The following ASTN2 variants were observed in gnomAD, a reference collection of about 807,000 sequenced individuals.
ASTN2 encodes the protein astrotactin 2.
A neutral mutation model predicts 139.8 loss-of-function variants in ASTN2; 54 were observed. The ratio of observed to expected loss-of-function variants is 0.39; its 90% CI spans 0.31 to 0.48. The LOEUF (loss-of-function observed/expected upper bound fraction) is 0.48. ASTN2 is among the 20% of genes least tolerant of loss of function. The pLI is 0.95. For synonymous variants in ASTN2, 756 were observed against 719.5 expected (o/e 1.05, Z -0.81); for missense variants, 1,565 against 1,725.1 (o/e 0.91, Z 1.64).
At chr9:116,549,482 C>T (rs185789837) in intron 19 of ASTN2, among the ~76,000 whole-genome samples, 345 of 152,286 alleles carry the variant, frequency 2.3e-3, no homozygotes, top group African/African-American at 7.9e-3. Context: ...GGGCCCCAGG[C>T]CCAGGGCTGG....
intron 1 of ASTN2, among the ~76,000 whole-genome samples, chr9:117,319,296 T>C (rs1170118467): frequency 6.6e-6 from 1 of 152,206 alleles, no homozygotes; most frequent in Middle Eastern, 3.2e-3. Flanking sequence ...ACACTTAGCA[T>C]AGTAGAAATA....
chr9:116,838,607 T>C (rs930767439), intron 11 of ASTN2, among the ~76,000 whole-genome samples: 38 of 144,812 alleles, frequency 2.6e-4, no homozygotes, highest in African/African-American at 8.3e-4. Flanking sequence ...TTTTTTTTTT[T>C]CAGTAGAGAT....
chr9:117,031,815 G>A (rs1838255261), intron 6 of ASTN2, among the ~76,000 whole-genome samples: 1 of 152,116 alleles, frequency 6.6e-6, no homozygotes, highest in African/African-American at 2.4e-5. Context: ...GACTGGAAAG[G>A]CGGGCAGGGG....
At chr9:116,751,935 T>C (rs980657367) in intron 13 of ASTN2, among the ~76,000 whole-genome samples, 1 of 152,210 alleles carries the variant, frequency 6.6e-6, no homozygotes, top group African/African-American at 2.4e-5. Flanking sequence ...ACTTGATCTA[T>C]AGATTCAGTG....
intron 1 of ASTN2, among the ~76,000 whole-genome samples, chr9:117,398,939 A>G (rs1830750370): frequency 1.3e-5 from 2 of 152,082 alleles, no homozygotes. Context: ...GCGCTGCCAC[A>G]TCCAGCTAAT....
At chr9:116,428,524 C>CAA (rs56925314) in intron 22 of ASTN2, among the ~76,000 whole-genome samples, 24 of 133,562 alleles carry the variant, frequency 1.8e-4, no homozygotes, top group South Asian at 2.4e-4. Context: ...AACTCCACCT[C>CAA]AAAAAAAAAA....
intron 20 of ASTN2, among the ~76,000 whole-genome samples, chr9:116,451,803 G>T (rs1013799997): frequency 2.1e-5 from 3 of 145,914 alleles, no homozygotes; most frequent in Admixed American, 7.0e-5. Context: ...TAAGACAGTG[G>T]ATTTAAATAT....
At chr9:117,225,483 G>A (rs1832674415) in intron 2 of ASTN2, among the ~76,000 whole-genome samples, 1 of 145,468 alleles carries the variant, frequency 6.9e-6, no homozygotes, top group East Asian at 2.2e-4. Context: ...GGGAGGCCGA[G>A]GCGGGTGGGT....
intron 4 of ASTN2, among the ~76,000 whole-genome samples, chr9:117,096,437 C>T (rs1236723860): frequency 6.6e-6 from 1 of 152,150 alleles, no homozygotes; most frequent in Non-Finnish European, 1.5e-5. Context: ...AATTATTCAC[C>T]TTGTGAGATT....
intron 1 of ASTN2, among the ~76,000 whole-genome samples, chr9:117,345,238 A>G (rs766134830): frequency 1.3e-5 from 2 of 152,148 alleles, no homozygotes; most frequent in Non-Finnish European, 2.9e-5. Flanking sequence ...TGAATGTTCA[A>G]CCAGTATATA....
intron 15 of ASTN2, among the ~76,000 whole-genome samples, chr9:116,728,606 GA>G (rs1477465556): frequency 1.3e-5 from 2 of 152,120 alleles, no homozygotes; most frequent in Non-Finnish European, 2.9e-5. Flanking sequence ...GAGAGAAAGA[GA>G]AATTGGTGTC....
Position 116,895,664 on chromosome 9 carries a change from T to C in ASTN2, c.1890-31931A>G, listed in dbSNP as rs563913792. The stretch of plus-strand genomic sequence containing the variant: ...ATTCAACAGGACAGCAAATGAAGAC[T>C]GTATTGATTTTCTGCTTAGATCAAT... On this transcript the variant is annotated intron_variant, in intron 10 of 22. Transcript: ENST00000313400. 2.0e-5 allele frequency among the ~76,000 whole-genome samples: 3 copies of C among 152,328 alleles called. No homozygotes were observed. In the South Asian group the frequency reaches 6.2e-4, roughly 32 times the overall value.
intron 1 of ASTN2, among the ~76,000 whole-genome samples, chr9:117,391,113 G>A (rs977076378): frequency 1.3e-5 from 2 of 152,206 alleles, no homozygotes; most frequent in African/African-American, 4.8e-5. Flanking sequence ...AGTTGACTTG[G>A]AGGATAGGGA....
At chr9:117,070,830 G>A (rs1369001322) in intron 5 of ASTN2, among the ~76,000 whole-genome samples, 7 of 151,316 alleles carry the variant, frequency 4.6e-5, no homozygotes, top group East Asian at 3.9e-4. Flanking sequence ...CATTCTTCAC[G>A]TAGCTCTCGA....
intron 17 of ASTN2, among the ~76,000 whole-genome samples, chr9:116,646,827 C>T (rs377602592): frequency 7.9e-5 from 12 of 152,176 alleles, no homozygotes; most frequent in African/African-American, 2.7e-4. Flanking sequence ...TCTAACTTCT[C>T]CTGGCTTCCC....
intron 16 of ASTN2, chr9:116,701,008 A>G (rs1395846067): frequency 1.2e-5 from 2 of 167,062 alleles, no homozygotes; most frequent in African/African-American, 2.4e-5. Flanking sequence ...TGTATGTTTT[A>G]TGTTTATAAT....
chr9:117,368,136 T>C (rs1311873787), intron 1 of ASTN2, among the ~76,000 whole-genome samples: 1 of 152,064 alleles, frequency 6.6e-6, no homozygotes, highest in Non-Finnish European at 1.5e-5. Context: ...GGATAAGGGA[T>C]TCAAAAAACT....
intron 19 of ASTN2, among the ~76,000 whole-genome samples, chr9:116,586,841 C>T (rs1467399375): frequency 4.7e-4 from 68 of 145,668 alleles, no homozygotes; most frequent in African/African-American, 1.7e-3. Context: ...TACACACACA[C>T]ACACACACAC....
intron 17 of ASTN2, among the ~76,000 whole-genome samples, chr9:116,639,126 T>C (rs1234134542): frequency 6.6e-6 from 1 of 152,226 alleles, no homozygotes; most frequent in Admixed American, 6.5e-5. Flanking sequence ...TATGCTTTTC[T>C]GAACTAAGTT....
Sources: gnomAD v4.1 joint callset for allele counts (sites outside exome capture counted in the v4.1 genomes callset) on GRCh38, gnomAD v4.1.1 for gene constraint, MANE v1.5 for transcripts, NCBI Gene and HGNC (gene_info 2026-07-23, HGNC 2026-07-21) for gene names.